The following FBXO34 variants were observed in gnomAD, a reference collection of about 807,000 sequenced individuals.
FBXO34 encodes F-box protein 34.
A neutral mutation model predicts 24.5 loss-of-function variants in FBXO34; 12 were observed. The ratio of observed to expected loss-of-function variants is 0.49; its 90% confidence interval spans 0.31 to 0.79. The LOEUF (loss-of-function observed/expected upper bound fraction) is 0.79, where lower values mean the gene tolerates loss of function less well. FBXO34 is among the 30% of genes least tolerant of loss of function. The pLI is 0.04. For missense variants in FBXO34, 823 were observed against 857.7 expected (o/e 0.96, Z 0.51); for synonymous variants, 320 against 311.9 (o/e 1.03, Z -0.27).
At chr14:55,420,831 G>A in the FBXO34 span, among the ~76,000 whole-genome samples, 3 of 151,952 alleles carry the variant, frequency 2.0e-5, no homozygotes, top group Non-Finnish European at 4.4e-5. Flanking sequence ...TGGCCGAGGC[G>A]GGTGGATCAC....
Position 55,298,595 on chromosome 14 carries a change from G to C in FBXO34, c.-11+27058G>C, listed in dbSNP as rs887132074. The C allele has an allele frequency of 6.4e-6, 6 of 932,318 alleles. No individual in the cohort carries two copies. The African/African-American group carries it at 9.7e-5, about 15-fold the overall frequency. 57.8% of individuals were successfully genotyped at this position (932,318 alleles called of 1,614,324 possible). A position where few individuals can be genotyped will look rare whatever the true frequency, so the allele number is the denominator to read the frequency against. On this transcript the variant is annotated intron_variant, in intron 1 of 1. Transcript: ENST00000313833. ...GGCAGGGTGGAGGCGGAGGAGGGCGGGCGCCGGAGCCCAGCCGGAGCGGGC... is the reference window on the plus strand; with the variant it reads ...GGCAGGGTGGAGGCGGAGGAGGGCGCGCGCCGGAGCCCAGCCGGAGCGGGC...
At chr14:55,364,950 G>A (rs189747953), downstream of FBXO34, among the ~76,000 whole-genome samples, 1 of 151,398 alleles carries the variant, frequency 6.6e-6, no homozygotes, top group Non-Finnish European at 1.5e-5. Context: ...GGGCGCAGTG[G>A]CTCACGCCCG....
chr14:55,275,570 G>T (rs10139678), intron 1 of FBXO34, among the ~76,000 whole-genome samples: 56,261 of 151,368 alleles, frequency 0.37, 11,024 homozygotes, highest in Non-Finnish European at 0.42. Context: ...ATCCCAGCAC[G>T]TTGGGAGGCT....
At chr14:55,318,663 C>CT (rs1351649236) in intron 1 of FBXO34, among the ~76,000 whole-genome samples, 2 of 150,930 alleles carry the variant, frequency 1.3e-5, no homozygotes, top group African/African-American at 4.9e-5. Context: ...CTGTACTGGG[C>CT]TTTATCAGTT....
At chr14:55,369,502 AAC>A (rs1245703836), downstream of FBXO34, 62 of 1,054,756 alleles carry the variant, frequency 5.9e-5, 1 homozygote, top group South Asian at 5.1e-4. Flanking sequence ...AAAACAAAAC[AAC>A]ACTTTAACCT....
chr14:55,344,703 T>C (rs868514216), intron 1 of FBXO34, among the ~76,000 whole-genome samples: 2 of 152,074 alleles, frequency 1.3e-5, no homozygotes, highest in Admixed American at 6.5e-5. Context: ...CCTAATGCTC[T>C]CCCTCCCCTT....
chr14:55,406,026 C>A, the FBXO34 span, among the ~76,000 whole-genome samples: 3 of 151,998 alleles, frequency 2.0e-5, no homozygotes, highest in African/African-American at 7.2e-5. Context: ...CATCGAACAA[C>A]GACAAAAAAA....
chr14:55,284,570 G>A (rs1881691953), intron 1 of FBXO34, among the ~76,000 whole-genome samples: 2 of 146,730 alleles, frequency 1.4e-5, no homozygotes, highest in Admixed American at 6.9e-5. Context: ...ATTTGATTCA[G>A]GGACCTAGCC....
the FBXO34 span, among the ~76,000 whole-genome samples, chr14:55,428,161 G>A: frequency 3.2e-5 from 3 of 95,224 alleles, no homozygotes; most frequent in African/African-American, 8.0e-5. Flanking sequence ...ACGGAGTCTC[G>A]CTCTGTCGCC....
At chr14:55,365,684 T>C (rs1252289922), downstream of FBXO34, among the ~76,000 whole-genome samples, 1 of 152,206 alleles carries the variant, frequency 6.6e-6, no homozygotes, top group African/African-American at 2.4e-5. Flanking sequence ...CTGGAAAGAC[T>C]GAAGGACAGT....
the FBXO34 span, among the ~76,000 whole-genome samples, chr14:55,426,616 C>T: frequency 1.3e-5 from 2 of 151,934 alleles, no homozygotes; most frequent in Non-Finnish European, 2.9e-5. Flanking sequence ...AATCCATAAC[C>T]TGAGGCTGAC....
intron 1 of FBXO34, among the ~76,000 whole-genome samples, chr14:55,347,344 A>G (rs1884192841): frequency 6.6e-6 from 1 of 152,138 alleles, no homozygotes; most frequent in South Asian, 2.1e-4. Context: ...TTTGCAGCAG[A>G]TGCCCTTTGC....
At chr14:55,387,517 G>A in the FBXO34 span, among the ~76,000 whole-genome samples, 1 of 152,074 alleles carries the variant, frequency 6.6e-6, no homozygotes, top group Non-Finnish European at 1.5e-5. Flanking sequence ...CATAGCTCTT[G>A]GTTCCTCAGA....
chr14:55,427,292 C>T, the FBXO34 span, among the ~76,000 whole-genome samples: 2 of 151,874 alleles, frequency 1.3e-5, no homozygotes, highest in East Asian at 3.9e-4. Context: ...AGTGAAAAAA[C>T]TGAAGAAAAA....
chr14:55,363,104 C>T (rs1431372385), downstream of FBXO34, among the ~76,000 whole-genome samples: 1 of 150,712 alleles, frequency 6.6e-6, no homozygotes. Flanking sequence ...CTCACTGCAA[C>T]CTCTGCCTTC....
the FBXO34 span, among the ~76,000 whole-genome samples, chr14:55,394,045 C>T: frequency 1.2e-3 from 170 of 142,280 alleles, no homozygotes; most frequent in African/African-American, 4.0e-3. Context: ...GTTGCTCTGT[C>T]GCCCAGGCTG....
the FBXO34 span, among the ~76,000 whole-genome samples, chr14:55,432,353 C>T: frequency 1.4e-4 from 21 of 149,978 alleles, 1 homozygote; most frequent in Middle Eastern, 7.0e-3. Context: ...GTGGAGGTTG[C>T]AGTGAGCCCA....
intron 1 of FBXO34, among the ~76,000 whole-genome samples, chr14:55,287,043 G>A (rs1423759746): frequency 6.6e-6 from 1 of 151,746 alleles, no homozygotes; most frequent in African/African-American, 2.4e-5. Flanking sequence ...CCAGTATCTG[G>A]GATTACAGGT....
At position 55,327,805 on chromosome 14, in the gene FBXO34, A is replaced by G. The variant is rs1434640237; in HGVS notation, c.-10-22576A>G. On this transcript the variant is annotated intron_variant, in intron 1 of 1. Coordinates refer to ENST00000313833, the MANE Select transcript of FBXO34 (RefSeq NM_017943.4). The stretch of plus-strand genomic sequence containing the variant: ...TTGGGTAGTGCCAAACCCTATATAT[A>G]TTGTGCACGAAATCTTTTTTCATTC... Among the ~76,000 whole-genome samples, 12 of 147,386 alleles carry G rather than the reference A, an allele frequency of 8.1e-5. No individual in the cohort carries two copies. In the Admixed American group the frequency reaches 8.3e-4, roughly 10 times the overall value.
Sources: gnomAD v4.1 joint callset for allele counts (sites outside exome capture counted in the v4.1 genomes callset) on GRCh38, gnomAD v4.1.1 for gene constraint, MANE v1.5 for transcripts, NCBI Gene and HGNC (gene_info 2026-07-23, HGNC 2026-07-21) for gene names.